Variants in BRF1 observed in about 807,000 individuals in gnomAD.
The protein encoded by BRF1 is transcription factor IIIB 90 kDa subunit.
Under a neutral mutation model 81.7 loss-of-function variants are expected in BRF1, and 59 were observed. The ratio of observed to expected loss-of-function variants is 0.72; its 90% CI spans 0.59 to 0.90. The LOEUF is 0.90. Ranked by LOEUF, BRF1 falls within the 40% of genes least tolerant of loss-of-function variation. The pLI is 0.00. For synonymous variants in BRF1, 491 were observed against 395.6 expected (o/e 1.24, Z -2.86); for missense variants, 1,050 against 936.3 (o/e 1.12, Z -1.58).
intron 1 of BRF1, among the ~76,000 whole-genome samples, chr14:105,312,627 C>T (rs902934457): frequency 1.2e-4 from 19 of 152,092 alleles, no homozygotes; most frequent in African/African-American, 4.4e-4. Context: ...GGATCTCCTC[C>T]TGTGACCCAC....
At chr14:105,268,920 T>C (rs955989178) in intron 3 of BRF1, among the ~76,000 whole-genome samples, 1 of 152,072 alleles carries the variant, frequency 6.6e-6, no homozygotes, top group Non-Finnish European at 1.5e-5. Context: ...CACCCTCTCC[T>C]GGGTGGATTT....
rs1889883970 is a variant in BRF1 at position 105,209,916 on chromosome 14, G to A, written c.*635C>T. The A allele has an allele frequency of 2.6e-6, 1 of 391,796 alleles. No individual in the cohort carries two copies. 24.3% of individuals were successfully genotyped at this position (391,796 alleles called of 1,614,324 possible). A position where few individuals can be genotyped will look rare whatever the true frequency, so the allele number is the denominator to read the frequency against. ...AGGCGGTGCAGGCAGCGGGGAGGGGGGTCTGGAGGAGGCAGGGGTGGGGGT... is the reference window on the plus strand; with the variant it reads ...AGGCGGTGCAGGCAGCGGGGAGGGGAGTCTGGAGGAGGCAGGGGTGGGGGT... On this transcript the variant is annotated 3_prime_UTR_variant, in exon 18 of 18. Transcript: ENST00000547530.
At chr14:105,229,417 C>G (rs145472957) in intron 6 of BRF1, among the ~76,000 whole-genome samples, 12 of 152,316 alleles carry the variant, frequency 7.9e-5, no homozygotes, top group African/African-American at 2.6e-4. Context: ...GCAGGGATGC[C>G]GGTACCTGGC....
chr14:105,309,827 C>A lies in BRF1; in HGVS notation c.-162+5495G>T, dbSNP rs1461539222. Among the ~76,000 whole-genome samples, 5 of 146,520 alleles carry A rather than the reference C, an allele frequency of 3.4e-5. No individual in the cohort carries two copies. Among genetic ancestry groups the A allele is most frequent in the Non-Finnish European group, 7.4e-5 (5 of 67,302 alleles). ...TTTAGACGGAGTCTCACTCTCTTGCCCAGGCAGGAGTGCAGTGGCACAATC... is the reference window on the plus strand; with the variant it reads ...TTTAGACGGAGTCTCACTCTCTTGCACAGGCAGGAGTGCAGTGGCACAATC... On this transcript the variant is annotated intron_variant, in intron 1 of 17. Transcript: ENST00000327359. The surrounding 1 kb of genome is among the most constrained non-coding windows in gnomAD (Gnocchi z 4.0).
At chr14:105,224,708 C>T (rs965785759) in intron 10 of BRF1, among the ~76,000 whole-genome samples, 2 of 152,134 alleles carry the variant, frequency 1.3e-5, no homozygotes, top group African/African-American at 4.8e-5. Flanking sequence ...CTCCCATGCC[C>T]AGCTAATTTT....
At chr14:105,307,613 C>A (rs890871827) in intron 1 of BRF1, among the ~76,000 whole-genome samples, 30 of 152,354 alleles carry the variant, frequency 2.0e-4, no homozygotes, top group African/African-American at 7.2e-4. Flanking sequence ...CCTGTCCCCC[C>A]ATGCAGCAGT....
At chr14:105,229,149 A>G (rs911450347) in intron 6 of BRF1, among the ~76,000 whole-genome samples, 7 of 152,240 alleles carry the variant, frequency 4.6e-5, no homozygotes, top group Non-Finnish European at 8.8e-5. Flanking sequence ...GAAAATTAAA[A>G]TGAAGGCTTC....
chr14:105,244,341 G>A (rs1007742529), intron 5 of BRF1, among the ~76,000 whole-genome samples: 1 of 152,186 alleles, frequency 6.6e-6, no homozygotes, highest in Non-Finnish European at 1.5e-5. Flanking sequence ...CTACTTGGGA[G>A]GCTGAGGTGG....
At chr14:105,259,024 C>T (rs2056028072) in intron 3 of BRF1, among the ~76,000 whole-genome samples, 1 of 152,214 alleles carries the variant, frequency 6.6e-6, no homozygotes, top group Non-Finnish European at 1.5e-5. Context: ...ACAGCTCACC[C>T]ATGCTGCTGA....
At chr14:105,226,928 G>T in intron 7 of BRF1, 168 bp from the exon 8 acceptor site, 6 of 791,970 alleles carry the variant, frequency 7.6e-6, no homozygotes, top group Non-Finnish European at 1.2e-5. Flanking sequence ...AGGCAACACA[G>T]TGAGACTCTG....
At chr14:105,270,119 C>T (rs1221950860) in intron 3 of BRF1, among the ~76,000 whole-genome samples, 2 of 152,020 alleles carry the variant, frequency 1.3e-5, no homozygotes, top group East Asian at 1.9e-4. Flanking sequence ...TAAAGGCACA[C>T]GTGTGCTTTA....
chr14:105,292,153 G>A (rs1027731663), intron 1 of BRF1, among the ~76,000 whole-genome samples: 8 of 152,034 alleles, frequency 5.3e-5, no homozygotes, highest in African/African-American at 1.7e-4. Flanking sequence ...ACCACGCCTA[G>A]CTAATGTTTT....
intron 5 of BRF1, among the ~76,000 whole-genome samples, chr14:105,243,375 G>C (rs2054851886): frequency 6.7e-6 from 1 of 149,274 alleles, no homozygotes; most frequent in Non-Finnish European, 1.5e-5. Context: ...GCTTGAAGCT[G>C]GGAGGTGGAG....
At chr14:105,248,594 C>T in intron 5 of BRF1, 4 of 957,696 alleles carry the variant, frequency 4.2e-6, no homozygotes, top group Non-Finnish European at 4.9e-6. Flanking sequence ...GGCGGGACGG[C>T]GCCCCCCGCG....
In BRF1 at chr14:105,210,713, C is replaced by A; in HGVS notation, c.1997-125G>T. The A allele has an allele frequency of 9.0e-7, 1 of 1,110,876 alleles. No homozygotes were observed. Among genetic ancestry groups the A allele is most frequent in the Admixed American group, 2.2e-5 (1 of 45,630 alleles). 68.8% of individuals were successfully genotyped at this position (1,110,876 alleles called of 1,614,324 possible). A position where few individuals can be genotyped will look rare whatever the true frequency, so the allele number is the denominator to read the frequency against. Reference sequence around the variant, plus strand: ...GGCTCCAGCCCCAGCCCCAGCCCCCCGCGCCCCGCCAGGAGCCATCTTGGG... The same window carrying A: ...GGCTCCAGCCCCAGCCCCAGCCCCCAGCGCCCCGCCAGGAGCCATCTTGGG... On this transcript the variant is annotated intron_variant, in intron 17 of 17. Coordinates refer to ENST00000547530, the MANE Select transcript of BRF1 (RefSeq NM_001519.4). This position sits in a 1 kb window ranked among gnomAD's most constrained non-coding sequence, Gnocchi z 4.7.
chr14:105,244,834 G>A (rs1490112644), intron 5 of BRF1, among the ~76,000 whole-genome samples: 1 of 151,932 alleles, frequency 6.6e-6, no homozygotes, highest in South Asian at 2.1e-4. Context: ...GAGTCATCAT[G>A]CTTCTCCAGT....
chr14:105,214,891 T>C (rs1301694972), intron 15 of BRF1, among the ~76,000 whole-genome samples: 1 of 151,656 alleles, frequency 6.6e-6, no homozygotes, highest in African/African-American at 2.4e-5. Context: ...CTCACCCGAG[T>C]GTGGGTGAAA....
chr14:105,229,012 G>C (rs2054271824), intron 6 of BRF1, 99 bp from the exon 7 acceptor site: 1 of 1,085,364 alleles, frequency 9.2e-7, no homozygotes, highest in Non-Finnish European at 1.4e-6. Context: ...TCACGGAGAT[G>C]ATGGCCTGAG....
intron 1 of BRF1, among the ~76,000 whole-genome samples, chr14:105,298,327 G>A (rs1425095975): frequency 6.6e-6 from 1 of 152,158 alleles, no homozygotes. Flanking sequence ...CTGATTTCAG[G>A]ACAATATAAC....
Sources: gnomAD v4.1 joint callset for allele counts (sites outside exome capture counted in the v4.1 genomes callset) on GRCh38, gnomAD v4.1.1 for gene constraint, Gnocchi (gnomAD v3.1) non-coding constraint, MANE v1.5 for transcripts, NCBI Gene and HGNC (gene_info 2026-07-23, HGNC 2026-07-21) for gene names.